The following TTLL10 variants were observed in gnomAD, a reference collection of about 807,000 sequenced individuals.
TTLL10 encodes the protein inactive polyglycylase TTLL10.
In TTLL10, 61 loss-of-function variants were observed where a neutral mutation model predicts 69.0. The ratio of observed to expected loss-of-function variants is 0.88; its 90% CI spans 0.72 to 1.09. TTLL10 has a LOEUF of 1.09. Among genes scored for constraint, TTLL10 ranks in the 50% least tolerant of loss-of-function variants. TTLL10 has a pLI of 0.00. For synonymous variants in TTLL10, 408 were observed against 393.3 expected, an observed-to-expected ratio of 1.04 and a Z score of -0.44; for missense variants, 962 against 945.9, an observed-to-expected ratio of 1.02 and a Z score of -0.22.
intron 13 of TTLL10, among the ~76,000 whole-genome samples, chr1:1,194,738 G>A (rs1016928939): frequency 5.3e-5 from 8 of 152,142 alleles, no homozygotes; most frequent in Admixed American, 1.3e-4. Flanking sequence ...TGATTTCGAC[G>A]TTCTCTGTCT....
chr1:1,183,758 C>G (rs903235735), intron 11 of TTLL10, among the ~76,000 whole-genome samples, 162 bp from the exon 12 acceptor site: 1 of 152,262 alleles, frequency 6.6e-6, no homozygotes, highest in Non-Finnish European at 1.5e-5. Flanking sequence ...CCCAATTCCC[C>G]TGACATATTC....
intron 13 of TTLL10, among the ~76,000 whole-genome samples, chr1:1,187,150 G>A (rs1647403467): frequency 6.6e-6 from 1 of 151,958 alleles, no homozygotes; most frequent in African/African-American, 2.4e-5. Context: ...CCGGCCAAAA[G>A]TTCTTTACAT....
rs567023212 is a variant in TTLL10, at chr1:1,182,443, G to A, written c.913G>A (p.Asp305Asn). ...GAGAGAGGCCTTTTTCACCTTGTTT[G>A]ATGGTGAGACGCTGCTGGCCGGACA... Reference protein sequence around the residue: ...HEREAFFTLFDETQIWICKPT... With the variant: ...HEREAFFTLFNETQIWICKPT... The change falls in exon 10 of 16, where the codon GAT becomes AAT. Residue 305 changes from aspartate to asparagine, a missense_variant. Asp to Asn is a conservative substitution (Grantham distance 23). Transcript: ENST00000379289. The A allele has an allele frequency of 3.7e-6, 6 of 1,613,874 alleles. 1 individual carries two copies. The highest frequency in any genetic ancestry group is 3.3e-5 in the Admixed American group (2 of 60,030).
At chr1:1,196,019 T>C (rs1648179566) in intron 13 of TTLL10, among the ~76,000 whole-genome samples, 1 of 151,964 alleles carries the variant, frequency 6.6e-6, no homozygotes, top group Non-Finnish European at 1.5e-5. Context: ...CAAGCAATCC[T>C]CCTGCCTCAG....
At chr1:1,196,043 T>C (rs1648183014) in intron 13 of TTLL10, among the ~76,000 whole-genome samples, 1 of 152,246 alleles carries the variant, frequency 6.6e-6, no homozygotes, top group Non-Finnish European at 1.5e-5. Flanking sequence ...CCCAAACTGC[T>C]GGGACTACAG....
At position 1,180,794 on chromosome 1, in the gene TTLL10, G is replaced by A; in HGVS notation, c.689G>A (p.Ser230Asn). The A allele has an allele frequency of 1.2e-6, 2 of 1,606,292 alleles. No individual in the cohort carries two copies. The highest frequency in any genetic ancestry group is 8.5e-7 in the Non-Finnish European group (1 of 1,177,138). ...KLLTTKIGLL[S>N]TLRGRARAMS... ...CTCACCACCAAGATCGGGCTGCTCA[G>A]CACCCTTCGGGGACGGGCACGGGCC... is the stretch of plus-strand genomic sequence containing the variant. Residue 230 changes from serine to asparagine, a missense_variant, in exon 8 of 16, where the codon AGC becomes AAC. Physicochemically the swap from Ser to Asn is conservative, Grantham distance 46. Coordinates refer to ENST00000379289, the MANE Select transcript of TTLL10 (RefSeq NM_001130045.2).
At position 1,184,050 on chromosome 1, in the gene TTLL10, G is replaced by T. The variant is rs148812680; in HGVS notation, c.1219G>T (p.Asp407Tyr). The T allele has an allele frequency of 3.1e-6, 5 of 1,614,058 alleles. No individual in the cohort carries two copies. The highest frequency in any genetic ancestry group is 1.6e-4 in the Middle Eastern group (1 of 6,084). The change falls in exon 12 of 16, where the codon GAC (aspartate) becomes TAC (tyrosine). Residue 407 changes from aspartate (D) to tyrosine (Y), a missense_variant. Coordinates refer to ENST00000379289, the MANE Select transcript of TTLL10 (RefSeq NM_001130045.2). Reference protein sequence around the residue: ...GYARLTLSLYDPHSSDLGGHL... With the variant: ...GYARLTLSLYYPHSSDLGGHL... ...TGCTCGCCTCACCCTTAGCCTTTAC[G>T]ACCCCCATTCCAGCGACCTCGGCGG...
chr1:1,190,482 C>G (rs1025376418), intron 13 of TTLL10, among the ~76,000 whole-genome samples: 71 of 150,264 alleles, frequency 4.7e-4, no homozygotes, highest in Non-Finnish European at 9.0e-4. Context: ...AGCTGGAGTG[C>G]AGTGGCACGA....
intron 3 of TTLL10, chr1:1,176,200 G>A (rs1318036324): frequency 8.9e-6 from 4 of 447,940 alleles, no homozygotes; most frequent in Non-Finnish European, 1.8e-5. Context: ...TGTGCCGGTG[G>A]AGAGGCTGCT....
At chr1:1,184,946 C>T in intron 12 of TTLL10, 23 bp from the exon 13 acceptor site, 2 of 1,587,518 alleles carry the variant, frequency 1.3e-6, no homozygotes, top group Non-Finnish European at 8.6e-7. Context: ...GGGAGCCAGT[C>T]TCCAGGCACC....
At chr1:1,195,434 TTC>T (rs1281430784) in intron 13 of TTLL10, among the ~76,000 whole-genome samples, 1 of 151,956 alleles carries the variant, frequency 6.6e-6, no homozygotes, top group African/African-American at 2.4e-5. Flanking sequence ...TTCTATTTGA[TTC>T]TCTTTTATAA....
Position 1,181,380 on chromosome 1 carries a change from C to T in TTLL10, c.756-361C>T, listed in dbSNP as rs769391926. 3.9e-5 allele frequency among the ~76,000 whole-genome samples: 6 copies of T among 151,954 alleles called. No homozygotes were observed. Among genetic ancestry groups the T allele is most frequent in the Admixed American group, 6.5e-5 (1 of 15,268 alleles). ...AAGTCTGGGCCATCCATCCTAGCGACTTCGTCCTCCTGCTCCCAGCCCTGC... is the reference window on the plus strand; with the variant it reads ...AAGTCTGGGCCATCCATCCTAGCGATTTCGTCCTCCTGCTCCCAGCCCTGC... On this transcript the variant is annotated intron_variant, in intron 8 of 15. Transcript: ENST00000379289. The surrounding 1 kb of genome is among the most constrained non-coding windows in gnomAD (Gnocchi z 4.6).
In TTLL10 at chr1:1,179,731, C is replaced by T. The variant is rs1456573618; in HGVS notation, c.193C>T (p.Pro65Ser). The T allele has an allele frequency of 5.2e-6, 8 of 1,549,358 alleles. No individual in the cohort carries two copies. Among genetic ancestry groups the T allele is most frequent in the Non-Finnish European group, 5.2e-6 (6 of 1,146,406 alleles). ...PGPCPAPGHC[P>S]VGPAHERPMG... is the part of the protein sequence containing the mutation. ...CCCCTGCCCTGCACCAGGCCACTGC[C>T]CTGTTGGTGAGGAGGGTCGGAGGGG... Residue 65 changes from proline to serine, a missense_variant, in exon 5 of 16, where the codon CCT (proline) becomes TCT (serine). Transcript: ENST00000379289.
intron 15 of TTLL10, 94 bp downstream of exon 15, chr1:1,197,280 G>A: frequency 7.3e-7 from 1 of 1,360,788 alleles, no homozygotes; most frequent in Non-Finnish European, 1.0e-6. Flanking sequence ...CCACAGATGG[G>A]GCTCTTCCAC....
chr1:1,180,508 G>A lies in TTLL10; in HGVS notation c.532G>A (p.Gly178Ser). 6.4e-7 allele frequency: 1 copy of A among 1,552,576 alleles called. No individual in the cohort carries two copies. The highest frequency in any genetic ancestry group is 8.7e-7 in the Non-Finnish European group (1 of 1,147,948). ...TIISSYCKSKGWQRIHDSRRD... is the reference protein window; with the variant it reads ...TIISSYCKSKSWQRIHDSRRD... ...CATCAGCTCCTACTGCAAAAGCAAG[G>A]GCTGGCAGCGCATCCATGACAGCCG... Residue 178 changes from glycine (G) to serine (S), a missense_variant, in exon 7 of 16, where the codon GGC (glycine) becomes AGC (serine). Physicochemically the swap from Gly to Ser is moderately conservative, Grantham distance 56 (BLOSUM62 0). Coordinates refer to ENST00000379289, the MANE Select transcript of TTLL10 (RefSeq NM_001130045.2).
chr1:1,182,502 G>A lies in TTLL10; in HGVS notation c.916+56G>A. 7.0e-6 allele frequency: 11 copies of A among 1,566,800 alleles called. No homozygotes were observed. The South Asian group carries it at 1.0e-4, about 14-fold the overall frequency. The stretch of plus-strand genomic sequence containing the variant: ...GCCCTGGGGAGACAGGGTGAGGGCT[G>A]GACCAAGGCGGGGGCTGATGAGGGC... On this transcript the variant is annotated intron_variant, in intron 10 of 15. Coordinates refer to ENST00000379289, the MANE Select transcript of TTLL10 (RefSeq NM_001130045.2).
At chr1:1,189,760 T>G (rs1332224158) in intron 13 of TTLL10, among the ~76,000 whole-genome samples, 2 of 152,190 alleles carry the variant, frequency 1.3e-5, no homozygotes, top group African/African-American at 4.8e-5. Context: ...GCTGCAATCT[T>G]TACTTGTTAT....
rs1335224450 is a variant in TTLL10 at position 1,181,141 on chromosome 1, A to C, written c.755+281A>C. On this transcript the variant is annotated intron_variant, in intron 8 of 15. Transcript: ENST00000379289. This position sits in a 1 kb window ranked among gnomAD's most constrained non-coding sequence, Gnocchi z 4.6. ...GGCCAAACCCCTGTCCCATAAACCC[A>C]CCCTCTTCCTCGTGGCTGAACGGGG... Among the ~76,000 whole-genome samples the C allele has an allele frequency of 1.4e-5, 2 of 140,832 alleles. No individual in the cohort carries two copies. The highest frequency in any genetic ancestry group is 3.1e-5 in the Non-Finnish European group (2 of 64,942). 92.4% of individuals were successfully genotyped at this position (140,832 alleles called of 152,430 possible).
In TTLL10 at chr1:1,179,751, GA is replaced by G. The variant is rs1646985585; in HGVS notation, c.199+15del. 1 of 1,543,052 alleles carries G rather than the reference GA, an allele frequency of 6.5e-7. No individual in the cohort carries two copies. Among genetic ancestry groups the G allele is most frequent in the South Asian group, 1.2e-5 (1 of 83,456 alleles). On this transcript the variant is annotated intron_variant, in intron 5 of 15. Transcript: ENST00000379289. Reference sequence around the variant, plus strand: ...ACTGCCCTGTTGGTGAGGAGGGTCGGAGGGGCGACCTCCCTGCCCCCTGCTC... The same window carrying G: ...ACTGCCCTGTTGGTGAGGAGGGTCGGGGGGCGACCTCCCTGCCCCCTGCTC...
Sources: gnomAD v4.1 joint callset for allele counts (sites outside exome capture counted in the v4.1 genomes callset) on GRCh38, gnomAD v4.1.1 for gene constraint, Gnocchi (gnomAD v3.1) non-coding constraint, MANE v1.5 for transcripts, NCBI Gene and HGNC (gene_info 2026-07-23, HGNC 2026-07-21) for gene names.